Variants in BFSP1 observed in about 807,000 individuals in gnomAD.
The protein encoded by BFSP1 is filensin.
Under a neutral mutation model 43.9 loss-of-function variants are expected in BFSP1, and 38 were observed. The observed-to-expected ratio is 0.87, with a 90% CI of 0.67 to 1.14. BFSP1 has a LOEUF of 1.14. Among genes scored for constraint, BFSP1 ranks in the 50% most tolerant of loss-of-function variants. The pLI, the probability that BFSP1 is intolerant of heterozygous loss-of-function variation, is 0.00. For missense variants in BFSP1, 850 were observed against 875.1 expected (o/e 0.97, Z 0.36); for synonymous variants, 352 against 354.8 (o/e 0.99, Z 0.09).
At chr20:17,508,791 G>T in intron 5 of BFSP1, 98 bp downstream of exon 5, 1 of 1,136,374 alleles carries the variant, frequency 8.8e-7, no homozygotes, top group Non-Finnish European at 1.2e-6. Flanking sequence ...TATGTTCAGC[G>T]TGTGACAGCT....
intron 1 of BFSP1, among the ~76,000 whole-genome samples, chr20:17,537,970 A>T (rs1568709465): frequency 6.6e-6 from 1 of 151,850 alleles, no homozygotes; most frequent in Non-Finnish European, 1.5e-5. Flanking sequence ...AAAATACAAA[A>T]ATTGGCCGGG....
upstream of BFSP1, among the ~76,000 whole-genome samples, chr20:17,536,198 A>C (rs184942010): frequency 1.4e-3 from 220 of 152,362 alleles, 1 homozygote; most frequent in African/African-American, 5.1e-3. Context: ...CAGTACAAAA[A>C]TATCAGAAAT....
chr20:17,553,830 TATATATACACATATATATAC>T (rs2034940647), intron 1 of BFSP1, among the ~76,000 whole-genome samples: 2 of 90,094 alleles, frequency 2.2e-5, no homozygotes, highest in African/African-American at 7.4e-5. Flanking sequence ...CACACATATA[TATATATACACATATATATAC>T]ATATATATAC....
chr20:17,565,246 G>A (rs911508411), intron 1 of BFSP1, among the ~76,000 whole-genome samples: 1 of 152,130 alleles, frequency 6.6e-6, no homozygotes, highest in African/African-American at 2.4e-5. Context: ...TACTGTAGGA[G>A]GGATTATAAA....
chr20:17,560,553 T>C (rs1359581448), upstream of BFSP1: 1 of 152,194 alleles, frequency 6.6e-6, no homozygotes, highest in African/African-American at 2.4e-5. Flanking sequence ...TGGCACACAG[T>C]AGGACCTCAG....
intron 3 of BFSP1, among the ~76,000 whole-genome samples, chr20:17,512,945 C>G: frequency 6.6e-6 from 1 of 152,274 alleles, no homozygotes; most frequent in East Asian, 1.9e-4. Context: ...GTGCCCCTGT[C>G]CCCAGCTCTG....
Position 17,494,784 on chromosome 20 carries a change from C to A in BFSP1, c.1288G>T (p.Asp430Tyr). The change falls in exon 8 of 8, where the codon GAT (aspartate) becomes TAT (tyrosine). Residue 430 changes from aspartate to tyrosine, a missense_variant. Asp to Tyr is a radical substitution (Grantham distance 160). Transcript: ENST00000377873. ...SPLTQEGAPE[D>Y]VPDGGQISKG... ...CTTATCTGCCCTCCATCTGGCACAT[C>A]CTCTGGAGCCCCTTCTTGTGTCAGG... The A allele has an allele frequency of 6.2e-7, 1 of 1,614,178 alleles. No individual in the cohort carries two copies. The highest frequency in any genetic ancestry group is 8.5e-7 in the Non-Finnish European group (1 of 1,180,036).
intron 1 of BFSP1, among the ~76,000 whole-genome samples, chr20:17,528,127 A>T (rs1444513689): frequency 6.6e-6 from 1 of 152,164 alleles, no homozygotes; most frequent in Non-Finnish European, 1.5e-5. Flanking sequence ...CCAGCCTGGC[A>T]TGTATGTGTA....
At chr20:17,508,846 C>A in intron 5 of BFSP1, 43 bp downstream of exon 5, 1 of 1,484,056 alleles carries the variant, frequency 6.7e-7, no homozygotes, top group South Asian at 1.4e-5. Context: ...CTCCATGAAA[C>A]ATGTGGGAAG....
At chr20:17,514,476 G>A (rs1469520866) in intron 3 of BFSP1, among the ~76,000 whole-genome samples, 1 of 152,110 alleles carries the variant, frequency 6.6e-6, no homozygotes, top group Non-Finnish European at 1.5e-5. Flanking sequence ...AAATTATACT[G>A]TACAATATAG....
At chr20:17,559,685 A>C (rs914546897), upstream of BFSP1, among the ~76,000 whole-genome samples, 1 of 152,172 alleles carries the variant, frequency 6.6e-6, no homozygotes, top group Non-Finnish European at 1.5e-5. Context: ...TTAGATTCTC[A>C]TAGGAGTGGG....
Position 17,494,458 on chromosome 20 carries a change from G to T in BFSP1, c.1614C>A (p.Asp538Glu). ...LQEKEDGQPI[D>E]QQPIDKEIEP... ...CAATCTCCTTGTCTATAGGCTGCTG[G>T]TCAATTGGTTGTCCATCTTCTTTCT... Residue 538 changes from aspartate (D) to glutamate (E), a missense_variant, in exon 8 of 8, where the codon GAC becomes GAA. By Grantham distance (45) the Asp-to-Glu change is conservative. Transcript: ENST00000377873. The T allele has an allele frequency of 6.2e-7, 1 of 1,614,186 alleles. No homozygotes were observed. Among genetic ancestry groups the T allele is most frequent in the Non-Finnish European group, 8.5e-7 (1 of 1,180,046 alleles).
chr20:17,525,916 G>GT lies in BFSP1; in HGVS notation c.378-1009dup, dbSNP rs1173788403. 5.3e-5 allele frequency among the ~76,000 whole-genome samples: 8 copies of GT among 152,062 alleles called. No homozygotes were observed. Among genetic ancestry groups the GT allele is most frequent in the African/African-American group, 1.7e-4 (7 of 41,394 alleles). On this transcript the variant is annotated intron_variant, in intron 1 of 7. Transcript: ENST00000377873. This position sits in a 1 kb window ranked among gnomAD's most constrained non-coding sequence, Gnocchi z 4.2. ...CAGATACCTTTAGTTAAGTAATGGT[G>GT]TATGTGTGCCCTTTGCTTCTCATTT...
At position 17,541,483 on chromosome 20, in the gene BFSP1, T is replaced by A. The variant is rs374045647; in HGVS notation, c.3-16575A>T. Among the ~76,000 whole-genome samples the A allele has an allele frequency of 2.6e-4, 40 of 152,314 alleles. 2 individuals carry two copies. Among genetic ancestry groups the A allele is most frequent in the African/African-American group, 8.4e-4 (35 of 41,550 alleles). On this transcript the variant is annotated intron_variant, in intron 1 of 7. Transcript: ENST00000377868. ...ATGGCTAGGTTTACATTGTCTGTCA[T>A]CATTAGAGGAAATATATAGGGACAG...
chr20:17,563,547 G>A (rs1221381059), upstream of BFSP1, among the ~76,000 whole-genome samples: 1 of 151,878 alleles, frequency 6.6e-6, no homozygotes, highest in Non-Finnish European at 1.5e-5. Context: ...CACCATGTTG[G>A]ACAGGCTGGT....
chr20:17,557,230 C>T lies in BFSP1; in HGVS notation c.2+1458G>A, dbSNP rs986531702. ...GAAGTCCGTTTCTGCAGCATTGATACCAGGTCCCACGTCAATCTCTCTGAA... is the reference window on the plus strand; with the variant it reads ...GAAGTCCGTTTCTGCAGCATTGATATCAGGTCCCACGTCAATCTCTCTGAA... On this transcript the variant is annotated intron_variant, in intron 1 of 7. Coordinates refer to the BFSP1 transcript ENST00000377868. Among the ~76,000 whole-genome samples the T allele has an allele frequency of 1.2e-4, 18 of 152,224 alleles. No homozygotes were observed. In the East Asian group the frequency reaches 2.5e-3, roughly 21 times the overall value.
chr20:17,494,166 T>C lies in BFSP1; in HGVS notation c.1906A>G (p.Ile636Val), dbSNP rs1279803002. Residue 636 changes from isoleucine to valine, a missense_variant, in exon 8 of 8, where the codon ATT becomes GTT. Ile to Val is a conservative substitution (Grantham distance 29, BLOSUM62 3). Coordinates refer to ENST00000377873, the MANE Select transcript of BFSP1 (RefSeq NM_001195.5). ...ESIEKISTES[I>V]QTYEETAVIV... ...ACAGCGGTTTCTTCATATGTCTGAA[T>C]GCTCTCCGTGGAAATCTTCTCGATA... 1 of 1,614,064 alleles carries C rather than the reference T, an allele frequency of 6.2e-7. No individual in the cohort carries two copies. The highest frequency in any genetic ancestry group is 2.2e-5 in the East Asian group (1 of 44,892).
At chr20:17,497,599 TATATATACGTATATATAC>T (rs2033681353) in intron 6 of BFSP1, among the ~76,000 whole-genome samples, 1 of 117,960 alleles carries the variant, frequency 8.5e-6, no homozygotes, top group East Asian at 2.4e-4. Flanking sequence ...TATACGTGTA[TATATATACGTATATATAC>T]ATATACACAC....
At chr20:17,535,127 G>T (rs2034605776), upstream of BFSP1, among the ~76,000 whole-genome samples, 1 of 152,122 alleles carries the variant, frequency 6.6e-6, no homozygotes, top group Admixed American at 6.5e-5. Context: ...AACAAAATTA[G>T]AATATAAATA....
Sources: allele counts gnomAD v4.1 joint callset (sites outside exome capture counted in the v4.1 genomes callset), GRCh38; gene constraint gnomAD v4.1.1; non-coding constraint Gnocchi (gnomAD v3.1); transcripts MANE v1.5; gene names NCBI Gene and HGNC (gene_info 2026-07-23, HGNC 2026-07-21).